SLC9A9: variants seen among roughly 807,000 people sequenced by gnomAD.
SLC9A9 encodes the protein sodium/hydrogen exchanger 9.
A neutral mutation model predicts 77.8 loss-of-function variants in SLC9A9; 62 were observed. That is an observed-to-expected ratio of 0.80 (90% CI 0.65 to 0.98). The LOEUF (loss-of-function observed/expected upper bound fraction) is 0.98. Ranked by LOEUF, SLC9A9 falls within the 50% of genes least tolerant of loss-of-function variation. The probability of loss-of-function intolerance (pLI) is 0.00; values close to 1 mark genes in which losing one functional copy is unlikely to be tolerated. For synonymous variants in SLC9A9, 320 were observed against 283.5 expected, an observed-to-expected ratio of 1.13 and a Z score of -1.29; for missense variants, 775 against 774.9, an observed-to-expected ratio of 1.00 and a Z score of 0.00.
At chr3:143,659,665 C>T (rs571317161) in intron 5 of SLC9A9, among the ~76,000 whole-genome samples, 1 of 152,266 alleles carries the variant, frequency 6.6e-6, no homozygotes, top group East Asian at 1.9e-4. Flanking sequence ...ATCATAAATC[C>T]CCTATCCCTG....
chr3:143,824,158 C>T (rs1226418979), intron 2 of SLC9A9, among the ~76,000 whole-genome samples: 3 of 152,110 alleles, frequency 2.0e-5, no homozygotes, highest in African/African-American at 4.8e-5. Context: ...TCTAGATTTC[C>T]AATCCCTATT....
chr3:143,343,526 T>A (rs1158134889), intron 14 of SLC9A9: 1 of 151,980 alleles, frequency 6.6e-6, no homozygotes, highest in South Asian at 2.1e-4. Context: ...AGCAAGAAAA[T>A]ACTACAGAGA....
intron 14 of SLC9A9, among the ~76,000 whole-genome samples, chr3:143,272,357 TAC>T (rs1937921264): frequency 6.6e-6 from 1 of 152,202 alleles, no homozygotes; most frequent in Non-Finnish European, 1.5e-5. Context: ...TTCACCTGGA[TAC>T]AGTGTGGCAC....
At chr3:143,417,201 A>C (rs1375027848) in intron 12 of SLC9A9, among the ~76,000 whole-genome samples, 1 of 152,016 alleles carries the variant, frequency 6.6e-6, no homozygotes, top group Admixed American at 6.6e-5. Context: ...CGAGTCTTCT[A>C]CTAGTTTGGG....
chr3:143,521,077 G>T (rs898272649), intron 9 of SLC9A9, among the ~76,000 whole-genome samples: 1 of 151,994 alleles, frequency 6.6e-6, no homozygotes, highest in African/African-American at 2.4e-5. Flanking sequence ...AAATAACTTT[G>T]ATGAGCAAAA....
intron 1 of SLC9A9, among the ~76,000 whole-genome samples, chr3:143,845,365 C>G (rs1259720659): frequency 6.6e-6 from 1 of 152,128 alleles, no homozygotes; most frequent in Non-Finnish European, 1.5e-5. Flanking sequence ...TACAGTATCC[C>G]ATCATGTTCC....
intron 14 of SLC9A9, among the ~76,000 whole-genome samples, chr3:143,361,955 TTC>T (rs1254731846): frequency 6.6e-6 from 1 of 152,242 alleles, no homozygotes; most frequent in African/African-American, 2.4e-5. Flanking sequence ...ATTTACCGTG[TTC>T]TTTCTGTACA....
Position 143,782,972 on chromosome 3 carries a change from T to C in SLC9A9, c.533+12029A>G, listed in dbSNP as rs16854305. Among the ~76,000 whole-genome samples, 1,479 of 152,228 alleles carry C rather than the reference T, an allele frequency of 9.7e-3. 20 individuals are homozygous for C. The highest frequency in any genetic ancestry group is 0.033 in the African/African-American group (1,380 of 41,554). On this transcript the variant is annotated intron_variant, in intron 4 of 15. Coordinates refer to ENST00000316549, the MANE Select transcript of SLC9A9 (RefSeq NM_173653.4). ...AAATCTGATCCAAAGCCATATTCTG[T>C]CAGTTCCATCATTCAAACCGCTCTC...
intron 9 of SLC9A9, among the ~76,000 whole-genome samples, chr3:143,528,376 A>G (rs2036442345): frequency 6.6e-6 from 1 of 152,250 alleles, no homozygotes; most frequent in Non-Finnish European, 1.5e-5. Flanking sequence ...CCCTCAATAA[A>G]TCTTACCTAG....
At chr3:143,830,456 G>A (rs1055012564) in intron 2 of SLC9A9, among the ~76,000 whole-genome samples, 6 of 152,120 alleles carry the variant, frequency 3.9e-5, no homozygotes, top group African/African-American at 1.4e-4. Context: ...GCAAACATTT[G>A]GCTCTGGATG....
chr3:143,379,229 A>C (rs535198039), intron 13 of SLC9A9, among the ~76,000 whole-genome samples: 1 of 152,192 alleles, frequency 6.6e-6, no homozygotes, highest in Non-Finnish European at 1.5e-5. Context: ...GAAACATACA[A>C]TCCTCCTAAG....
intron 2 of SLC9A9, among the ~76,000 whole-genome samples, chr3:143,823,639 T>C (rs1371974834): frequency 6.6e-6 from 1 of 151,516 alleles, no homozygotes; most frequent in Admixed American, 6.6e-5. Flanking sequence ...ACCTACTATG[T>C]ACCCACAAAA....
chr3:143,454,063 T>G (rs1422077874), intron 12 of SLC9A9, among the ~76,000 whole-genome samples: 1 of 152,188 alleles, frequency 6.6e-6, no homozygotes, highest in Non-Finnish European at 1.5e-5. Flanking sequence ...AAACTAAACC[T>G]GCTGGCACCT....
chr3:143,650,789 G>C (rs1270308702), intron 6 of SLC9A9, among the ~76,000 whole-genome samples: 2 of 152,154 alleles, frequency 1.3e-5, no homozygotes, highest in Admixed American at 1.3e-4. Flanking sequence ...TGGGTAGAGA[G>C]GTAGGAGAGG....
intron 14 of SLC9A9, among the ~76,000 whole-genome samples, chr3:143,335,335 A>G (rs2031890611): frequency 6.6e-6 from 1 of 152,200 alleles, no homozygotes; most frequent in Admixed American, 6.5e-5. Flanking sequence ...TATTGTTAAA[A>G]TGTTTATACT....
At chr3:143,455,594 T>C (rs996162959) in intron 12 of SLC9A9, among the ~76,000 whole-genome samples, 1 of 152,160 alleles carries the variant, frequency 6.6e-6, no homozygotes, top group African/African-American at 2.4e-5. Flanking sequence ...TTTCTGTTAT[T>C]GGTATTTTGT....
chr3:143,566,195 T>C (rs2037164519), intron 8 of SLC9A9, among the ~76,000 whole-genome samples: 1 of 152,126 alleles, frequency 6.6e-6, no homozygotes, highest in Admixed American at 6.6e-5. Context: ...CCCTTTTCCC[T>C]CACTGCTTAC....
chr3:143,621,838 A>G (rs1255203296), intron 6 of SLC9A9, among the ~76,000 whole-genome samples: 1 of 152,194 alleles, frequency 6.6e-6, no homozygotes, highest in Non-Finnish European at 1.5e-5. Flanking sequence ...GAAAGTTCGA[A>G]CCCATGGCAA....
intron 4 of SLC9A9, among the ~76,000 whole-genome samples, chr3:143,705,711 T>C (rs1321230168): frequency 6.6e-6 from 1 of 152,228 alleles, no homozygotes; most frequent in Non-Finnish European, 1.5e-5. Context: ...TGGAAAGAAG[T>C]AGAGAAGGCA....
Sources: gnomAD v4.1 joint callset for allele counts (sites outside exome capture counted in the v4.1 genomes callset) on GRCh38, gnomAD v4.1.1 for gene constraint, MANE v1.5 for transcripts, NCBI Gene and HGNC (gene_info 2026-07-23, HGNC 2026-07-21) for gene names.